The following COMMD10 variants were observed in gnomAD, a reference collection of about 807,000 sequenced individuals.
COMMD10 encodes the protein COMM domain-containing protein 10.
In COMMD10, 33 loss-of-function variants were observed where a neutral mutation model predicts 28.9. The observed-to-expected ratio is 1.14, with a 90% CI of 0.87 to 1.53. COMMD10 has a LOEUF of 1.53. Among genes scored for constraint, COMMD10 ranks in the 40% most tolerant of loss-of-function variants. The pLI, the probability that COMMD10 is intolerant of heterozygous loss-of-function variation, is 0.00. For missense variants in COMMD10, 310 were observed against 233.4 expected (o/e 1.33, Z -2.14); for synonymous variants, 110 against 81.7 (o/e 1.35, Z -1.87).
intron 4 of COMMD10, among the ~76,000 whole-genome samples, chr5:116,096,268 CTT>C (rs1194007189): frequency 1.3e-5 from 2 of 149,970 alleles, no homozygotes; most frequent in Non-Finnish European, 3.0e-5. Context: ...TTATCAGTGT[CTT>C]TTGTTTTCAG....
chr5:116,124,449 T>C (rs1194824939), intron 4 of COMMD10, among the ~76,000 whole-genome samples: 1 of 152,180 alleles, frequency 6.6e-6, no homozygotes, highest in Non-Finnish European at 1.5e-5. Flanking sequence ...TGTTGTGATT[T>C]CTGTTCTTTT....
intron 5 of COMMD10, among the ~76,000 whole-genome samples, chr5:116,141,410 C>T (rs942333232): frequency 2.0e-5 from 3 of 151,296 alleles, no homozygotes; most frequent in Non-Finnish European, 4.4e-5. Flanking sequence ...TTATTCCATG[C>T]GAATTTTAGA....
At chr5:116,242,006 A>C (rs1023778937) in intron 5 of COMMD10, among the ~76,000 whole-genome samples, 2 of 152,320 alleles carry the variant, frequency 1.3e-5, no homozygotes, top group Admixed American at 6.5e-5. Context: ...TCTGTCTTAC[A>C]TTAAACAAAA....
chr5:116,157,433 GT>G (rs370808836), intron 5 of COMMD10, among the ~76,000 whole-genome samples: 1 of 152,300 alleles, frequency 6.6e-6, no homozygotes, highest in African/African-American at 2.4e-5. Context: ...GCCGGGTCTA[GT>G]TTGGGATGAT....
intron 5 of COMMD10, among the ~76,000 whole-genome samples, chr5:116,237,700 T>C (rs888705647): frequency 6.6e-6 from 1 of 152,158 alleles, no homozygotes; most frequent in Admixed American, 6.5e-5. Context: ...ATATTTCACA[T>C]GAGCAGGTAT....
intron 5 of COMMD10, among the ~76,000 whole-genome samples, chr5:116,137,888 G>A (rs1332750533): frequency 6.6e-6 from 1 of 151,870 alleles, no homozygotes; most frequent in African/African-American, 2.4e-5. Flanking sequence ...TTGTCTTAGT[G>A]TTTGTCTACT....
chr5:116,259,730 G>A (rs1038018682), intron 5 of COMMD10, among the ~76,000 whole-genome samples: 1 of 151,624 alleles, frequency 6.6e-6, no homozygotes, highest in African/African-American at 2.4e-5. Flanking sequence ...GGGTATTCCC[G>A]GTTGTAGAAG....
intron 4 of COMMD10, among the ~76,000 whole-genome samples, chr5:116,101,947 A>G (rs575971988): frequency 1.3e-5 from 2 of 152,192 alleles, no homozygotes; most frequent in African/African-American, 2.4e-5. Context: ...TTTTTTGTAC[A>G]TTCTGGATAT....
chr5:116,168,982 AG>A (rs1753226364), intron 5 of COMMD10, among the ~76,000 whole-genome samples: 1 of 152,174 alleles, frequency 6.6e-6, no homozygotes, highest in African/African-American at 2.4e-5. Context: ...CTAAGATCAG[AG>A]TAGAACGAAA....
rs1750223018 is a variant in COMMD10 at position 116,254,528 on chromosome 5, T to G, written c.511-36989T>G. ...GTTCTTGTTGGTTTCAAAGAACATC[T>G]TTATTTCTGCCTTCATTTCGTTATG... is the stretch of plus-strand genomic sequence containing the variant. On this transcript the variant is annotated intron_variant, in intron 5 of 6. Transcript: ENST00000274458. Among the ~76,000 whole-genome samples, 4 of 151,340 alleles carry G rather than the reference T, an allele frequency of 2.6e-5. No individual in the cohort carries two copies. The South Asian group carries it at 8.3e-4, about 31-fold the overall frequency.
At chr5:116,286,085 C>T (rs1251365860) in intron 5 of COMMD10, among the ~76,000 whole-genome samples, 1 of 151,680 alleles carries the variant, frequency 6.6e-6, no homozygotes, top group Non-Finnish European at 1.5e-5. Flanking sequence ...ATGATTTAGT[C>T]TTAGTAGGTT....
chr5:116,121,217 T>A (rs1184742872), intron 4 of COMMD10, among the ~76,000 whole-genome samples: 1 of 151,622 alleles, frequency 6.6e-6, no homozygotes, highest in Admixed American at 6.6e-5. Context: ...CACCTATGAG[T>A]GAGAACATGC....
intron 5 of COMMD10, among the ~76,000 whole-genome samples, chr5:116,201,547 G>A (rs921316352): frequency 1.3e-5 from 2 of 152,090 alleles, no homozygotes; most frequent in East Asian, 3.9e-4. Context: ...TCTCCAATCT[G>A]GGGGGCAATG....
intron 4 of COMMD10, among the ~76,000 whole-genome samples, chr5:116,127,739 A>G (rs536300080): frequency 6.6e-6 from 1 of 152,272 alleles, no homozygotes; most frequent in South Asian, 2.1e-4. Flanking sequence ...GAACACTTGG[A>G]CACAGGGTGG....
chr5:116,106,207 A>G (rs1750834120), intron 4 of COMMD10, among the ~76,000 whole-genome samples: 1 of 152,054 alleles, frequency 6.6e-6, no homozygotes, highest in Non-Finnish European at 1.5e-5. Context: ...TTGGTTTCTA[A>G]GAACAACTTT....
rs183070698 is a variant in COMMD10 at position 116,291,444 on chromosome 5, G to T, written c.511-73G>T. The T allele has an allele frequency of 4.1e-4, 428 of 1,038,160 alleles. 2 individuals carry two copies. The African/African-American group carries it at 5.7e-3, about 14-fold the overall frequency. The allele number at this position is 1,038,160 out of a possible 1,614,324, so 64.3% of individuals were successfully genotyped here. A position where few individuals can be genotyped will look rare whatever the true frequency, so the allele number is the denominator to read the frequency against. On this transcript the variant is annotated intron_variant, in intron 5 of 6. Transcript: ENST00000274458. ...GGACAATCTTATGTCATATTCTGAG[G>T]TTAGCTGGAGAGAAAAAATGTGATG...
intron 5 of COMMD10, among the ~76,000 whole-genome samples, chr5:116,156,438 T>C (rs1752713623): frequency 6.6e-6 from 1 of 152,200 alleles, no homozygotes; most frequent in Non-Finnish European, 1.5e-5. Flanking sequence ...TTTCATTCAT[T>C]GATATCTTCA....
intron 5 of COMMD10, among the ~76,000 whole-genome samples, chr5:116,136,148 C>T (rs1041749407): frequency 6.6e-6 from 1 of 152,124 alleles, no homozygotes; most frequent in East Asian, 1.9e-4. Context: ...GAAGTTATTA[C>T]CTCTTCCCTT....
At position 116,264,762 on chromosome 5, in the gene COMMD10, A is replaced by G. The variant is rs544871489; in HGVS notation, c.511-26755A>G. 6.6e-5 allele frequency among the ~76,000 whole-genome samples: 10 copies of G among 151,898 alleles called. No homozygotes were observed. In the East Asian group the frequency reaches 1.2e-3, roughly 18 times the overall value. On this transcript the variant is annotated intron_variant, in intron 5 of 6. Coordinates refer to ENST00000274458, the MANE Select transcript of COMMD10 (RefSeq NM_016144.4). ...TACCATTTCTGTCAGGTTTTGCAAA[A>G]TGTCTTGAGCTCCTTGAAAAATAGA...
Sources: gnomAD v4.1 joint callset for allele counts (sites outside exome capture counted in the v4.1 genomes callset) on GRCh38, gnomAD v4.1.1 for gene constraint, MANE v1.5 for transcripts, NCBI Gene and HGNC (gene_info 2026-07-23, HGNC 2026-07-21) for gene names.